Variants in C12orf42 observed in about 807,000 individuals in gnomAD.
The protein encoded by C12orf42 is uncharacterized protein C12orf42.
In C12orf42, 25 loss-of-function variants were observed where a neutral mutation model predicts 21.6. That is an observed-to-expected ratio of 1.16 (90% CI 0.84 to 1.62). C12orf42 has a LOEUF of 1.62. Among genes scored for constraint, C12orf42 ranks in the 40% most tolerant of loss-of-function variants. The pLI, the probability that C12orf42 is intolerant of heterozygous loss-of-function variation, is 0.00. For missense variants in C12orf42, 483 were observed against 459.3 expected (o/e 1.05, Z -0.47); for synonymous variants, 174 against 175.0 (o/e 0.99, Z 0.05).
chr12:103,386,975 A>C (rs1054638936), intron 3 of C12orf42, among the ~76,000 whole-genome samples: 8 of 152,212 alleles, frequency 5.3e-5, no homozygotes, highest in Non-Finnish European at 1.0e-4. Flanking sequence ...GCCCTCCCAC[A>C]GCTCCACATC....
At chr12:103,157,427 T>C in the C12orf42 span, among the ~76,000 whole-genome samples, 1 of 152,100 alleles carries the variant, frequency 6.6e-6, no homozygotes, top group Admixed American at 6.6e-5. Flanking sequence ...GTAGGTTACC[T>C]GTTCACTTTG....
chr12:103,562,886 C>G, the C12orf42 span, among the ~76,000 whole-genome samples: 1 of 152,198 alleles, frequency 6.6e-6, no homozygotes, highest in Non-Finnish European at 1.5e-5. Flanking sequence ...ATTTTGGCCC[C>G]TACATTGAAA....
chr12:103,243,645 CT>C (rs2033864431), intron 10 of C12orf42, among the ~76,000 whole-genome samples: 1 of 152,042 alleles, frequency 6.6e-6, no homozygotes, highest in African/African-American at 2.4e-5. Context: ...AAATGCTTCT[CT>C]TTGTTAGCAA....
intron 1 of C12orf42, among the ~76,000 whole-genome samples, chr12:103,491,909 A>G (rs1955209491): frequency 6.6e-6 from 1 of 152,094 alleles, no homozygotes; most frequent in South Asian, 2.1e-4. Context: ...TGACTTCCCA[A>G]ACATAACCCC....
At chr12:103,533,471 TGTCC>T in the C12orf42 span, among the ~76,000 whole-genome samples, 1 of 152,170 alleles carries the variant, frequency 6.6e-6, no homozygotes, top group Non-Finnish European at 1.5e-5. Context: ...TCCACAAAAA[TGTCC>T]TCTGGATGAC....
At chr12:103,340,552 T>C (rs1229501760) in intron 4 of C12orf42, among the ~76,000 whole-genome samples, 1 of 152,194 alleles carries the variant, frequency 6.6e-6, no homozygotes, top group Non-Finnish European at 1.5e-5. Context: ...ACAAGAATAT[T>C]TATAAGAAGG....
chr12:103,200,450 T>C, the C12orf42 span, among the ~76,000 whole-genome samples: 8 of 152,134 alleles, frequency 5.3e-5, no homozygotes, highest in Non-Finnish European at 1.0e-4. Context: ...ATTGCATATA[T>C]GCCATAAAAG....
chr12:103,260,483 G>A (rs981253964), intron 10 of C12orf42, among the ~76,000 whole-genome samples: 6 of 152,174 alleles, frequency 3.9e-5, no homozygotes, highest in African/African-American at 1.4e-4. Flanking sequence ...TCTAAGTCAT[G>A]GGCATTAAGG....
At chr12:103,211,534 G>A in the C12orf42 span, among the ~76,000 whole-genome samples, 1 of 152,128 alleles carries the variant, frequency 6.6e-6, no homozygotes, top group Admixed American at 6.5e-5. Context: ...TACGAAGCTG[G>A]CCAGGTGCTA....
At chr12:103,316,624 C>T (rs902889071) in intron 4 of C12orf42, among the ~76,000 whole-genome samples, 2 of 152,060 alleles carry the variant, frequency 1.3e-5, no homozygotes, top group African/African-American at 2.4e-5. Context: ...AAAAAAGCCC[C>T]CTGTGACCTC....
chr12:103,502,690 C>T, the C12orf42 span, among the ~76,000 whole-genome samples: 1 of 152,188 alleles, frequency 6.6e-6, no homozygotes, highest in Admixed American at 6.5e-5. Context: ...TCCATCGCAT[C>T]CCTTGATTAT....
At chr12:103,056,903 A>G in the C12orf42 span, among the ~76,000 whole-genome samples, 3 of 152,100 alleles carry the variant, frequency 2.0e-5, no homozygotes, top group Admixed American at 2.0e-4. Flanking sequence ...GTTTGCTTAA[A>G]GCACGTTCAT....
At chr12:103,264,512 A>G (rs1317644839), downstream of C12orf42, among the ~76,000 whole-genome samples, 1 of 152,188 alleles carries the variant, frequency 6.6e-6, no homozygotes, top group Non-Finnish European at 1.5e-5. Flanking sequence ...GGCACATGAT[A>G]GGTCCCCTAT....
At chr12:103,146,135 C>A in the C12orf42 span, among the ~76,000 whole-genome samples, 1 of 151,832 alleles carries the variant, frequency 6.6e-6, no homozygotes, top group African/African-American at 2.4e-5. Flanking sequence ...TATCTCCATA[C>A]ATATTATGTA....
intron 3 of C12orf42, among the ~76,000 whole-genome samples, chr12:103,372,454 A>C (rs2045338887): frequency 6.6e-6 from 1 of 152,134 alleles, no homozygotes; most frequent in Non-Finnish European, 1.5e-5. Flanking sequence ...TGACTGATAC[A>C]AATGATCAAC....
At chr12:103,126,598 A>T in the C12orf42 span, among the ~76,000 whole-genome samples, 1 of 152,254 alleles carries the variant, frequency 6.6e-6, no homozygotes, top group South Asian at 2.1e-4. Flanking sequence ...GAAGGTGTGT[A>T]AATATTAGAA....
the C12orf42 span, among the ~76,000 whole-genome samples, chr12:103,066,312 T>C: frequency 7.9e-5 from 12 of 152,174 alleles, no homozygotes; most frequent in Non-Finnish European, 1.2e-4. Context: ...TACACGTGAC[T>C]GGGCTGGAGC....
chr12:103,357,732 C>T (rs1300173404), intron 4 of C12orf42, among the ~76,000 whole-genome samples: 1 of 152,006 alleles, frequency 6.6e-6, no homozygotes, highest in Non-Finnish European at 1.5e-5. Context: ...GCCAGTTCAG[C>T]CAGGTGCTAT....
At chr12:103,203,728 G>A in the C12orf42 span, among the ~76,000 whole-genome samples, 1 of 152,104 alleles carries the variant, frequency 6.6e-6, no homozygotes, top group Admixed American at 6.5e-5. Flanking sequence ...ATAGTACCAA[G>A]TATCTAGCTA....
Sources: gnomAD v4.1 joint callset for allele counts (sites outside exome capture counted in the v4.1 genomes callset) on GRCh38, gnomAD v4.1.1 for gene constraint, MANE v1.5 for transcripts, NCBI Gene and HGNC (gene_info 2026-07-23, HGNC 2026-07-21) for gene names.